The following SHOX variants were observed in gnomAD, a reference collection of about 807,000 sequenced individuals.
The protein encoded by SHOX is SHOX homeobox.
A neutral mutation model predicts 29.6 loss-of-function variants in SHOX; 12 were observed. The ratio of observed to expected loss-of-function variants is 0.41; its 90% CI spans 0.26 to 0.66. The LOEUF (loss-of-function observed/expected upper bound fraction) is 0.66, where lower values mean the gene tolerates loss of function less well. Among genes scored for constraint, SHOX ranks in the 30% least tolerant of loss-of-function variants. The pLI, the probability that SHOX is intolerant of heterozygous loss-of-function variation, is 0.35. For synonymous variants in SHOX, 214 were observed against 200.6 expected (o/e 1.07, Z -0.57); for missense variants, 499 against 437.7 (o/e 1.14, Z -1.25).
At chrX:638,375 C>G (rs2052793446) in intron 2 of SHOX, among the ~76,000 whole-genome samples, 1 of 151,860 alleles carries the variant, frequency 6.6e-6, no homozygotes, top group South Asian at 2.1e-4. Context: ...GGCTTGCTTT[C>G]TGGGCCCTGG....
rs962947171 is a variant in SHOX, at chrX:644,249, T to C, written c.634-142T>C. 4.6e-6 allele frequency: 5 copies of C among 1,082,156 alleles called. No homozygotes were observed. In the African/African-American group the frequency reaches 8.4e-5, roughly 18 times the overall value. 67.0% of individuals were successfully genotyped at this position (1,082,156 alleles called of 1,614,324 possible). A position where few individuals can be genotyped will look rare whatever the true frequency, so the allele number is the denominator to read the frequency against. On this transcript the variant is annotated intron_variant, in intron 4 of 4. Coordinates refer to ENST00000686671, the MANE Select transcript of SHOX (RefSeq NM_000451.4). ...GCCAGGGGGAAGGAGGAAAGGCGGG[T>C]GTGGGGTGGTCTCCACGGCTGGAGA...
At chrX:634,552 A>G in intron 1 of SHOX, 66 bp from the exon 2 acceptor site, 2 of 1,560,352 alleles carry the variant, frequency 1.3e-6, no homozygotes, top group South Asian at 1.1e-5. Flanking sequence ...GGGATGCACG[A>G]AGGGGTTCGC....
chrX:631,194 G>A lies in SHOX; in HGVS notation c.277+20G>A, dbSNP rs767055071. On this transcript the variant is annotated intron_variant, in intron 1 of 4. Transcript: ENST00000686671. Reference sequence around the variant, plus strand: ...CAGAAGGTAAGTTCCTTTGCGCTCCGGCTCCAGGGGGGCCCTCCTGGGGTT... The same window carrying A: ...CAGAAGGTAAGTTCCTTTGCGCTCCAGCTCCAGGGGGGCCCTCCTGGGGTT... The A allele has an allele frequency of 1.2e-6, 2 of 1,612,038 alleles. No homozygotes were observed. Among genetic ancestry groups the A allele is most frequent in the Non-Finnish European group, 1.7e-6 (2 of 1,179,508 alleles).
intron 2 of SHOX, among the ~76,000 whole-genome samples, chrX:637,384 G>C (rs951103553): frequency 1.3e-5 from 2 of 151,924 alleles, no homozygotes; most frequent in African/African-American, 2.4e-5. Flanking sequence ...TAAATTACTT[G>C]TAATTTAATT....
upstream of SHOX, among the ~76,000 whole-genome samples, chrX:629,572 C>T (rs1350641679): frequency 2.6e-5 from 4 of 151,966 alleles, no homozygotes; most frequent in African/African-American, 9.7e-5. Context: ...TCTGCCTCTC[C>T]CTGTCTGTCT....
intron 1 of SHOX, chrX:632,045 A>G (rs1009281339): frequency 1.3e-5 from 6 of 453,866 alleles, no homozygotes; most frequent in African/African-American, 8.0e-5. Context: ...GGAACCCTTC[A>G]TTATTATTTC....
rs765554443 is a variant in SHOX, at chrX:643,318, G to C, written c.634-1073G>C. ...GAGGCTTGGAGATCTGGTGAGCCGG[G>C]AGAGGCTTGGGGACCTGGTGTCCCG... is the stretch of plus-strand genomic sequence containing the variant. On this transcript the variant is annotated intron_variant, in intron 4 of 4. Coordinates refer to ENST00000686671, the MANE Select transcript of SHOX (RefSeq NM_000451.4). 3.5e-4 allele frequency among the ~76,000 whole-genome samples: 52 copies of C among 149,680 alleles called. No individual in the cohort carries two copies. The East Asian group carries it at 0.01, about 30-fold the overall frequency.
upstream of SHOX, among the ~76,000 whole-genome samples, chrX:627,945 C>T (rs1275614303): frequency 6.6e-6 from 1 of 152,144 alleles, no homozygotes; most frequent in African/African-American, 2.4e-5. Flanking sequence ...AGTTTCCCAG[C>T]AGAGGCAGAG....
Position 644,374 on chromosome X carries a change from CG to C in SHOX, c.634-14del. The C allele has an allele frequency of 6.6e-7, 1 of 1,517,024 alleles. No homozygotes were observed. Among genetic ancestry groups the C allele is most frequent in the African/African-American group, 1.4e-5 (1 of 70,290 alleles). The allele number at this position is 1,517,024 out of a possible 1,614,324, so 94.0% of individuals were successfully genotyped here. On this transcript the variant is annotated splice_polypyrimidine_tract_variant and intron_variant, in intron 4 of 4. Transcript: ENST00000686671. ...TCCCCATCCTGCGCCCTCACCCCGC[CG>C]GGTCCGCTCCCGCAGGTCCAGGCTC...
Position 649,999 on chromosome X carries a change from C to T in SHOX, c.*5363C>T, listed in dbSNP as rs368492459. ...ATGTTGCTATTAGATTTTCTTTCTC[C>T]GTTCGAGTCTCTGACTGGTGCATAC... On this transcript the variant is annotated 3_prime_UTR_variant, in exon 5 of 5. Coordinates refer to ENST00000686671, the MANE Select transcript of SHOX (RefSeq NM_000451.4). 8.8e-6 allele frequency: 4 copies of T among 455,998 alleles called. No homozygotes were observed. The highest frequency in any genetic ancestry group is 1.3e-5 in the Non-Finnish European group (3 of 226,784). 28.2% of individuals were successfully genotyped at this position (455,998 alleles called of 1,614,324 possible).
At chrX:630,306 GAT>G (rs2052623383), upstream of SHOX, among the ~76,000 whole-genome samples, 1 of 74,586 alleles carries the variant, frequency 1.3e-5, no homozygotes, top group African/African-American at 3.9e-5. Flanking sequence ...GGGGCGCCCG[GAT>G]CCCCCCCTCG....
rs1556471575 is a variant in SHOX at position 648,942 on chromosome X, C to CTTTCTTTGTTTCTTTCT, written c.*4309_*4310insCTTTGTTTCTTTCTTTT. 5.5e-5 allele frequency among the ~76,000 whole-genome samples: 8 copies of CTTTCTTTGTTTCTTTCT among 145,930 alleles called. No homozygotes were observed. Among genetic ancestry groups the CTTTCTTTGTTTCTTTCT allele is most frequent in the South Asian group, 2.2e-4 (1 of 4,554 alleles). ...TTTTTCTTTCTTTCTCTCTTTCTTT[C>CTTTCTTTGTTTCTTTCT]TTTTCTTTCTTTCTGTTTCTTTCCT... On this transcript the variant is annotated 3_prime_UTR_variant, in exon 5 of 5. Coordinates refer to ENST00000686671, the MANE Select transcript of SHOX (RefSeq NM_000451.4).
chrX:626,348 A>G (rs367814317), upstream of SHOX, among the ~76,000 whole-genome samples: 1,758 of 30,642 alleles, frequency 0.057, 14 homozygotes, highest in African/African-American at 0.13. Context: ...ATCTCTGTCT[A>G]TCTCTGTCTC....
At chrX:635,911 AC>A (rs2052739115) in intron 2 of SHOX, among the ~76,000 whole-genome samples, 1 of 151,044 alleles carries the variant, frequency 6.6e-6, no homozygotes, top group Non-Finnish European at 1.5e-5. Context: ...GACCCTGGGG[AC>A]CCCGTCAAAA....
chrX:630,867 C>T lies in SHOX; in HGVS notation c.-31C>T, dbSNP rs746800766. ...GCGGGGAGACGCGCGCATCCACCAG[C>T]CCCGGCTGCTCGCCAGCCCCGGCCC... On this transcript the variant is annotated 5_prime_UTR_variant, in exon 1 of 5. Transcript: ENST00000686671. The T allele has an allele frequency of 1.9e-6, 3 of 1,611,734 alleles. No individual in the cohort carries two copies. Among genetic ancestry groups the T allele is most frequent in the Middle Eastern group, 1.8e-4 (1 of 5,412 alleles).
At chrX:632,120 C>T (rs779423672) in intron 1 of SHOX, 19 of 396,972 alleles carry the variant, frequency 4.8e-5, no homozygotes, top group Admixed American at 4.1e-4. Flanking sequence ...AAAAACCACT[C>T]CCGTGAGCGG....
At chrX:633,538 C>T (rs1288691923) in intron 1 of SHOX, among the ~76,000 whole-genome samples, 1 of 152,090 alleles carries the variant, frequency 6.6e-6, no homozygotes, top group East Asian at 1.9e-4. Flanking sequence ...GAACAGGGTG[C>T]TAGTATTTAC....
At chrX:639,164 T>C (rs761254905) in intron 2 of SHOX, among the ~76,000 whole-genome samples, 15 of 152,300 alleles carry the variant, frequency 9.8e-5, no homozygotes, top group Non-Finnish European at 1.8e-4. Context: ...TGTGTGAATT[T>C]CTCCAGCCTC....
At chrX:642,531 C>G (rs1311320248) in intron 4 of SHOX, among the ~76,000 whole-genome samples, 2 of 152,230 alleles carry the variant, frequency 1.3e-5, no homozygotes, top group African/African-American at 4.8e-5. Flanking sequence ...CTGGCCCAGG[C>G]CCGAAGGAGA....
Sources: gnomAD v4.1 joint callset for allele counts (sites outside exome capture counted in the v4.1 genomes callset) on GRCh38, gnomAD v4.1.1 for gene constraint, MANE v1.5 for transcripts, NCBI Gene and HGNC (gene_info 2026-07-23, HGNC 2026-07-21) for gene names.